IL1RAPL1: variants seen among roughly 807,000 people sequenced by gnomAD.
IL1RAPL1 encodes interleukin-1 receptor accessory protein-like 1.
In IL1RAPL1, 3 loss-of-function variants were observed where a neutral mutation model predicts 48.4. The observed-to-expected ratio is 0.06, with a 90% CI of 0.03 to 0.16. The LOEUF is 0.16. IL1RAPL1 is among the 10% of genes least tolerant of loss of function. IL1RAPL1 has a pLI of 1.00. For missense variants in IL1RAPL1, 349 were observed against 530.6 expected (o/e 0.66, Z 3.36); for synonymous variants, 185 against 187.7 (o/e 0.99, Z 0.12).
intron 8 of IL1RAPL1, among the ~76,000 whole-genome samples, chrX:29,920,751 C>T (rs12009276): frequency 0.026 from 2,385 of 91,001 alleles, 94 homozygotes; most frequent in African/African-American, 0.096. Flanking sequence ...GGCGAGATTG[C>T]GCCATTGCAC....
chrX:29,284,927 C>T (rs1379413828), intron 3 of IL1RAPL1, among the ~76,000 whole-genome samples: 1 of 111,571 alleles, frequency 9.0e-6, no homozygotes, highest in Non-Finnish European at 1.9e-5. Context: ...ACTAGCTGTT[C>T]CCATTTGACC....
chrX:29,527,448 C>T (rs1935566003), intron 5 of IL1RAPL1, among the ~76,000 whole-genome samples: 1 of 101,007 alleles, frequency 9.9e-6, no homozygotes, highest in Admixed American at 1.1e-4. Flanking sequence ...AGTGATTTCC[C>T]TGCCTCAGCC....
intron 3 of IL1RAPL1, among the ~76,000 whole-genome samples, chrX:29,329,886 A>T (rs1008582167): frequency 9.0e-6 from 1 of 111,255 alleles, no homozygotes; most frequent in African/African-American, 3.3e-5. Context: ...ATGCTGAGCT[A>T]AAGAAGGCAG....
chrX:29,071,429 C>A (rs1008588222), intron 2 of IL1RAPL1, among the ~76,000 whole-genome samples: 1 of 112,086 alleles, frequency 8.9e-6, no homozygotes, highest in Non-Finnish European at 1.9e-5. Flanking sequence ...AATGTACTTA[C>A]AGTGCTAGGA....
At chrX:28,956,549 T>G (rs1924614951) in intron 2 of IL1RAPL1, among the ~76,000 whole-genome samples, 1 of 105,065 alleles carries the variant, frequency 9.5e-6, no homozygotes, top group African/African-American at 3.4e-5. Context: ...GCTCTGTTTA[T>G]ATGCTGGATT....
intron 5 of IL1RAPL1, among the ~76,000 whole-genome samples, chrX:29,624,398 C>T (rs1244357732): frequency 8.9e-6 from 1 of 112,399 alleles, no homozygotes; most frequent in Non-Finnish European, 1.9e-5. Context: ...TTAGTATTCA[C>T]TATTTAAACT....
At chrX:29,368,244 T>A (rs1361153925) in intron 3 of IL1RAPL1, among the ~76,000 whole-genome samples, 1 of 112,510 alleles carries the variant, frequency 8.9e-6, no homozygotes, top group Non-Finnish European at 1.9e-5. Context: ...ATAGGTTATA[T>A]GCAAAGACTG....
At chrX:29,599,957 C>T (rs1041839138) in intron 5 of IL1RAPL1, among the ~76,000 whole-genome samples, 4 of 111,817 alleles carry the variant, frequency 3.6e-5, no homozygotes, top group African/African-American at 1.3e-4. Flanking sequence ...TAGACTTCAC[C>T]TTTCTCTGGT....
chrX:29,561,627 C>G (rs1922199476), intron 5 of IL1RAPL1, among the ~76,000 whole-genome samples: 1 of 111,903 alleles, frequency 8.9e-6, no homozygotes, highest in African/African-American at 3.3e-5. Flanking sequence ...AAGAATGTCT[C>G]TCTTGGCACT....
chrX:29,029,019 C>T (rs113056821), intron 2 of IL1RAPL1, among the ~76,000 whole-genome samples: 5 of 111,445 alleles, frequency 4.5e-5, no homozygotes, highest in East Asian at 2.8e-4. Context: ...GGGAAACTTA[C>T]GATCATGGTG....
intron 6 of IL1RAPL1, among the ~76,000 whole-genome samples, chrX:29,763,621 GTTATTA>G (rs1928807055): frequency 1.8e-5 from 2 of 111,048 alleles, no homozygotes; most frequent in South Asian, 3.8e-4. Context: ...GATAGTTAAT[GTTATTA>G]TTAGTATTAA....
At chrX:29,032,972 C>T (rs1926654394) in intron 2 of IL1RAPL1, among the ~76,000 whole-genome samples, 1 of 111,878 alleles carries the variant, frequency 8.9e-6, no homozygotes, top group Admixed American at 9.5e-5. Context: ...ACAAATAAGG[C>T]TAATAATATG....
chrX:29,161,753 TTGG>T (rs1447709415), intron 2 of IL1RAPL1, among the ~76,000 whole-genome samples: 1 of 112,075 alleles, frequency 8.9e-6, no homozygotes, highest in East Asian at 2.8e-4. Flanking sequence ...TTTTACACTG[TTGG>T]TGGGAGTGTA....
chrX:29,094,485 T>C (rs1417933082), intron 2 of IL1RAPL1, among the ~76,000 whole-genome samples: 2 of 107,356 alleles, frequency 1.9e-5, no homozygotes, highest in Non-Finnish European at 3.8e-5. Flanking sequence ...TGGCTGGGCA[T>C]GGTGGCTCAC....
intron 5 of IL1RAPL1, among the ~76,000 whole-genome samples, chrX:29,588,415 A>C (rs1056803159): frequency 1.2e-4 from 13 of 112,351 alleles, no homozygotes; most frequent in African/African-American, 3.6e-4. Flanking sequence ...AATTGATAGA[A>C]GCTATGAGTT....
chrX:29,394,567 C>T (rs1243136283), intron 3 of IL1RAPL1, among the ~76,000 whole-genome samples: 1 of 112,266 alleles, frequency 8.9e-6, no homozygotes. Context: ...GTTCAGGTAT[C>T]ATCATTTATG....
intron 3 of IL1RAPL1, among the ~76,000 whole-genome samples, chrX:29,316,556 T>C (rs753435977): frequency 1.6e-4 from 18 of 112,293 alleles, no homozygotes; most frequent in Non-Finnish European, 2.8e-4. Flanking sequence ...ATACATTTTA[T>C]GAAGGCAGGA....
chrX:28,780,196 G>T (rs919493910), intron 1 of IL1RAPL1, among the ~76,000 whole-genome samples: 20 of 110,998 alleles, frequency 1.8e-4, no homozygotes, highest in African/African-American at 6.2e-4. Context: ...CCTTTCCATG[G>T]AAAGGATAGC....
intron 5 of IL1RAPL1, among the ~76,000 whole-genome samples, chrX:29,515,557 G>A (rs1935436591): frequency 8.9e-6 from 1 of 112,403 alleles, no homozygotes; most frequent in Non-Finnish European, 1.9e-5. Context: ...CACCTAGGTT[G>A]TTGAATATAT....
Sources: gnomAD v4.1 joint callset for allele counts (sites outside exome capture counted in the v4.1 genomes callset) on GRCh38, gnomAD v4.1.1 for gene constraint, MANE v1.5 for transcripts, NCBI Gene and HGNC (gene_info 2026-07-23, HGNC 2026-07-21) for gene names.